The following ZSWIM1 variants were observed in gnomAD, a reference collection of about 807,000 sequenced individuals.
The protein encoded by ZSWIM1 is zinc finger SWIM-type containing 1.
ZSWIM1 carries 22 observed loss-of-function variants against 29.3 expected under a neutral mutation model. The ratio of observed to expected loss-of-function variants is 0.75; its 90% CI spans 0.54 to 1.07. ZSWIM1 has a LOEUF of 1.07. ZSWIM1 is among the 50% of genes least tolerant of loss of function. The pLI, the probability that ZSWIM1 is intolerant of heterozygous loss-of-function variation, is 0.00. For missense variants in ZSWIM1, 511 were observed against 596.2 expected, an observed-to-expected ratio of 0.86 and a Z score of 1.49; for synonymous variants, 228 against 240.8, an observed-to-expected ratio of 0.95 and a Z score of 0.49.
In ZSWIM1 at chr20:45,884,105, T is replaced by TACAC. The variant is rs71181872; in HGVS notation, c.*90_*93dup. The TACAC allele has an allele frequency of 0.024, 26,581 of 1,086,156 alleles. 178 individuals carry two copies. The highest frequency in any genetic ancestry group is 0.059 in the African/African-American group (3,423 of 57,708). 67.3% of individuals were successfully genotyped at this position (1,086,156 alleles called of 1,614,324 possible). ...ACCTGTGCACACTCACATCCACCCA[T>TACAC]ACACACACACACACACACACACACA... is the stretch of plus-strand genomic sequence containing the variant. On this transcript the variant is annotated 3_prime_UTR_variant, in exon 2 of 2. Transcript: ENST00000372523.
chr20:45,884,643 T>C lies in ZSWIM1; in HGVS notation c.*593T>C, dbSNP rs1986423727. On this transcript the variant is annotated 3_prime_UTR_variant, in exon 2 of 2. Transcript: ENST00000372523. ...TCCCAAAGTGCTGGGATTACAGGCG[T>C]GAGCCATCGCACCCGGCCTGTTTTA... 6.0e-6 allele frequency: 1 copy of C among 165,756 alleles called. No individual in the cohort carries two copies. Among genetic ancestry groups the C allele is most frequent in the Non-Finnish European group, 1.5e-5 (1 of 67,898 alleles). 10.3% of individuals were successfully genotyped at this position (165,756 alleles called of 1,614,324 possible).
Position 45,881,975 on chromosome 20 carries a change from G to A in ZSWIM1, c.-60-558G>A, listed in dbSNP as rs138843266. Among the ~76,000 whole-genome samples, 19 of 152,306 alleles carry A rather than the reference G, an allele frequency of 1.2e-4. No homozygotes were observed. In the East Asian group the frequency reaches 3.7e-3, roughly 29 times the overall value. ...CAGGTCTCCTGCCTCAGCCTCCCGA[G>A]TAGCTGAGACTACAGGCATGGGCCA... is the stretch of plus-strand genomic sequence containing the variant. On this transcript the variant is annotated intron_variant, in intron 1 of 1. Coordinates refer to ENST00000372523, the MANE Select transcript of ZSWIM1 (RefSeq NM_080603.5).
At chr20:45,882,445 A>G in intron 1 of ZSWIM1, 88 bp from the exon 2 acceptor site, 1 of 899,772 alleles carries the variant, frequency 1.1e-6, no homozygotes, top group Non-Finnish European at 1.7e-6. Flanking sequence ...GTGCTGACAT[A>G]TAGTAAGTGT....
Position 45,883,156 on chromosome 20 carries a change from GC to G in ZSWIM1, c.567del (p.Val190TrpfsTer6). ...AKFYQLSLERPVERLLLTSLQ... is the reference protein window; with the variant it reads ...AKFYQLSLERXVERLLLTSLQ... ...AGTTCTATCAGCTGTCCCTTGAACG[GC>G]CCGTGGAAAGGCTGCTCCTGACCTC... On this transcript the variant is annotated frameshift_variant, in exon 2 of 2. Coordinates refer to ENST00000372523, the MANE Select transcript of ZSWIM1 (RefSeq NM_080603.5). LOFTEE classifies it high-confidence loss of function. The G allele has an allele frequency of 6.2e-7, 1 of 1,614,034 alleles. No homozygotes were observed. The highest frequency in any genetic ancestry group is 8.5e-7 in the Non-Finnish European group (1 of 1,180,030).
rs1265993510 is a variant in ZSWIM1, at chr20:45,884,348, A to ATT, written c.*305_*306dup. The ATT allele has an allele frequency of 4.0e-5, 8 of 199,440 alleles. No individual in the cohort carries two copies. Among genetic ancestry groups the ATT allele is most frequent in the African/African-American group, 7.2e-5 (2 of 27,824 alleles). The allele number at this position is 199,440 out of a possible 1,614,324, so 12.4% of individuals were successfully genotyped here. ...TGTATATTCTTGGTTTTGTTTTAAT[A>ATT]TTTTTTTTCTTTTTTTTTTTTTTTT... On this transcript the variant is annotated 3_prime_UTR_variant, in exon 2 of 2. Coordinates refer to ENST00000372523, the MANE Select transcript of ZSWIM1 (RefSeq NM_080603.5).
chr20:45,884,262 G>A lies in ZSWIM1; in HGVS notation c.*212G>A. 3.5e-6 allele frequency: 2 copies of A among 566,878 alleles called. No individual in the cohort carries two copies. Among genetic ancestry groups the A allele is most frequent in the South Asian group, 6.0e-5 (2 of 33,354 alleles). The allele number at this position is 566,878 out of a possible 1,614,324, so 35.1% of individuals were successfully genotyped here. ...ACCTAGCATGTGTCTAGCTCAATGAGACAGGAGTCAGCAAATCTTAATCTG... is the reference window on the plus strand; with the variant it reads ...ACCTAGCATGTGTCTAGCTCAATGAAACAGGAGTCAGCAAATCTTAATCTG... On this transcript the variant is annotated 3_prime_UTR_variant, in exon 2 of 2. Transcript: ENST00000372523.
intron 1 of ZSWIM1, among the ~76,000 whole-genome samples, chr20:45,882,294 A>AC (rs1284434680): frequency 5.3e-5 from 8 of 152,218 alleles, no homozygotes; most frequent in Non-Finnish European, 1.2e-4. Flanking sequence ...GCCTTCCATT[A>AC]CCACTTTAAC....
At position 45,884,357 on chromosome 20, in the gene ZSWIM1, CTTTTTTTTTTT is replaced by C. The variant is rs750505217; in HGVS notation, c.*320_*330del. The C allele has an allele frequency of 5.1e-4, 47 of 92,820 alleles. No homozygotes were observed. The East Asian group carries it at 0.013, about 25-fold the overall frequency. 5.7% of individuals were successfully genotyped at this position (92,820 alleles called of 1,614,324 possible). A position where few individuals can be genotyped will look rare whatever the true frequency, so the allele number is the denominator to read the frequency against. On this transcript the variant is annotated 3_prime_UTR_variant, in exon 2 of 2. Coordinates refer to ENST00000372523, the MANE Select transcript of ZSWIM1 (RefSeq NM_080603.5). The stretch of plus-strand genomic sequence containing the variant: ...TTGGTTTTGTTTTAATATTTTTTTT[CTTTTTTTTTTT>C]TTTTTTTTTTTTGAGAAGGAGTCTG...
chr20:45,881,337 A>T (rs983302709), intron 1 of ZSWIM1, 76 bp downstream of exon 1: 1 of 152,230 alleles, frequency 6.6e-6, no homozygotes, highest in Non-Finnish European at 1.5e-5. Context: ...TCCCAAAGGG[A>T]TGGGAGGGAG....
At position 45,883,130 on chromosome 20, in the gene ZSWIM1, A is replaced by C. The variant is rs1986335437; in HGVS notation, c.538A>C (p.Lys180Gln). 2 of 1,614,190 alleles carry C rather than the reference A, an allele frequency of 1.2e-6. No homozygotes were observed. The highest frequency in any genetic ancestry group is 1.6e-4 in the Middle Eastern group (1 of 6,062). ...CCACATTTGTAAGTTCCTCCAGGCCAAGTTCTATCAGCTGTCCCTTGAACG... is the reference window on the plus strand; with the variant it reads ...CCACATTTGTAAGTTCCTCCAGGCCCAGTTCTATCAGCTGTCCCTTGAACG... ...AFHICKFLQA[K>Q]FYQLSLERPV... Residue 180 changes from lysine (K) to glutamine (Q), a missense_variant, in exon 2 of 2, where the codon AAG (lysine) becomes CAG (glutamine). Physicochemically the swap from Lys to Gln is moderately conservative, Grantham distance 53 (BLOSUM62 1). Coordinates refer to ENST00000372523, the MANE Select transcript of ZSWIM1 (RefSeq NM_080603.5).
chr20:45,883,215 G>A lies in ZSWIM1; in HGVS notation c.623G>A (p.Gly208Asp), dbSNP rs1308563322. 4 of 1,613,690 alleles carry A rather than the reference G, an allele frequency of 2.5e-6. No individual in the cohort carries two copies. The highest frequency in any genetic ancestry group is 1.3e-5 in the African/African-American group (1 of 74,924). Residue 208 changes from glycine (G) to aspartate (D), a missense_variant, in exon 2 of 2, where the codon GGC becomes GAC. Coordinates refer to ENST00000372523, the MANE Select transcript of ZSWIM1 (RefSeq NM_080603.5). ...LQSTMCSATA[G>D]NLRKLYTLLS... is the part of the protein sequence containing the mutation. Reference sequence around the variant, plus strand: ...AGCACAATGTGCTCAGCCACAGCAGGCAACCTGAGAAAGTTGTATACACTC... The same window carrying A: ...AGCACAATGTGCTCAGCCACAGCAGACAACCTGAGAAAGTTGTATACACTC...
chr20:45,881,788 C>T lies in ZSWIM1; in HGVS notation c.-61+527C>T, dbSNP rs113836793. Among the ~76,000 whole-genome samples, 770 of 152,272 alleles carry T rather than the reference C, an allele frequency of 5.1e-3. 5 individuals are homozygous for T. The highest frequency in any genetic ancestry group is 0.017 in the African/African-American group (688 of 41,542). ...GCAATTGCAGTTCTCTTATACATAC[C>T]AGGACCAAAGGAAAGAATGGATGCC... On this transcript the variant is annotated intron_variant, in intron 1 of 1. Transcript: ENST00000372523.
rs1219504109 is a variant in ZSWIM1 at position 45,884,713 on chromosome 20, A to C, written c.*663A>C. 1 of 166,930 alleles carries C rather than the reference A, an allele frequency of 6.0e-6. No individual in the cohort carries two copies. Among genetic ancestry groups the C allele is most frequent in the African/African-American group, 2.4e-5 (1 of 41,426 alleles). 10.3% of individuals were successfully genotyped at this position (166,930 alleles called of 1,614,324 possible). On this transcript the variant is annotated 3_prime_UTR_variant, in exon 2 of 2. Coordinates refer to ENST00000372523, the MANE Select transcript of ZSWIM1 (RefSeq NM_080603.5). The stretch of plus-strand genomic sequence containing the variant: ...ACCTTTCTTAGCTCAAAGGTCTTTA[A>C]AAAAGCAGGCAATCCAGCTGGGCAT...
At position 45,881,251 on chromosome 20, in the gene ZSWIM1, C is replaced by G. The variant is rs907459987; in HGVS notation, c.-71C>G. 6.6e-6 allele frequency: 1 copy of G among 152,480 alleles called. No individual in the cohort carries two copies. The highest frequency in any genetic ancestry group is 2.4e-5 in the African/African-American group (1 of 41,438). The allele number at this position is 152,480 out of a possible 1,614,324, so 9.4% of individuals were successfully genotyped here. A position where few individuals can be genotyped will look rare whatever the true frequency, so the allele number is the denominator to read the frequency against. On this transcript the variant is annotated 5_prime_UTR_variant, in exon 1 of 2. Transcript: ENST00000372523. Reference sequence around the variant, plus strand: ...CAAATAGGGAGAAATGGCGACGGAGCCTGGCTGTGGGTGAGTGCTTCCTGA... The same window carrying G: ...CAAATAGGGAGAAATGGCGACGGAGGCTGGCTGTGGGTGAGTGCTTCCTGA...
At position 45,883,779 on chromosome 20, in the gene ZSWIM1, A is replaced by G. The variant is rs750172004; in HGVS notation, c.1187A>G (p.His396Arg). Residue 396 changes from histidine to arginine, a missense_variant, in exon 2 of 2, where the codon CAC becomes CGC. Transcript: ENST00000372523. ...CAGGCCTTCCACCTGCCCTGCCGCC[A>G]CATCCTAGCCATGCTCAGTGCCCGC... ...FNQAFHLPCR[H>R]ILAMLSARRQ... 1 of 1,613,736 alleles carries G rather than the reference A, an allele frequency of 6.2e-7. No homozygotes were observed. Among genetic ancestry groups the G allele is most frequent in the South Asian group, 1.1e-5 (1 of 91,080 alleles).
chr20:45,883,208 A>G lies in ZSWIM1; in HGVS notation c.616A>G (p.Thr206Ala), dbSNP rs1986341465. Residue 206 changes from threonine to alanine, a missense_variant, in exon 2 of 2, where the codon ACA (threonine) becomes GCA (alanine). By Grantham distance (58) the Thr-to-Ala change is moderately conservative (BLOSUM62 0). Transcript: ENST00000372523. ...TSLQSTMCSA[T>A]AGNLRKLYTL... ...CCTGCAGAGCACAATGTGCTCAGCC[A>G]CAGCAGGCAACCTGAGAAAGTTGTA... 7 of 1,613,866 alleles carry G rather than the reference A, an allele frequency of 4.3e-6. No individual in the cohort carries two copies. Among genetic ancestry groups the G allele is most frequent in the Non-Finnish European group, 5.9e-6 (7 of 1,180,046 alleles).
chr20:45,880,987 G>A (rs777873493), upstream of ZSWIM1, among the ~76,000 whole-genome samples: 4 of 152,166 alleles, frequency 2.6e-5, no homozygotes, highest in Non-Finnish European at 4.4e-5. Flanking sequence ...CAGTCGCCTA[G>A]CCTGAAGGGA....
Position 45,882,708 on chromosome 20 carries a change from T to C in ZSWIM1, c.116T>C (p.Leu39Pro). ...GCCCTGACAATGCTGAATGGGCTCC[T>C]GATTAAGGACTCAAGCCCACCTATG... Reference protein sequence around the residue: ...PMALTMLNGLLIKDSSPPMLL... With the variant: ...PMALTMLNGLPIKDSSPPMLL... The change falls in exon 2 of 2, where the codon CTG becomes CCG. Residue 39 changes from leucine (L) to proline (P), a missense_variant. Coordinates refer to ENST00000372523, the MANE Select transcript of ZSWIM1 (RefSeq NM_080603.5). 2.5e-6 allele frequency: 4 copies of C among 1,614,258 alleles called. No individual in the cohort carries two copies. The highest frequency in any genetic ancestry group is 3.4e-6 in the Non-Finnish European group (4 of 1,180,046).
In ZSWIM1 at chr20:45,883,635, T is replaced by C. The variant is rs1238998165; in HGVS notation, c.1043T>C (p.Val348Ala). ...CAACTGTGCCTGGGCGAGCTTGCTG[T>C]GGTCCAGAAATCCACACACCTCATT... ...AAQLCLGELA[V>A]VQKSTHLIGS... Residue 348 changes from valine (V) to alanine (A), a missense_variant, in exon 2 of 2, where the codon GTG becomes GCG. Physicochemically the swap from Val to Ala is moderately conservative, Grantham distance 64. Coordinates refer to ENST00000372523, the MANE Select transcript of ZSWIM1 (RefSeq NM_080603.5). 2 of 1,614,188 alleles carry C rather than the reference T, an allele frequency of 1.2e-6. No homozygotes were observed. The highest frequency in any genetic ancestry group is 1.7e-6 in the Non-Finnish European group (2 of 1,180,024).
Sources: gnomAD v4.1 joint callset for allele counts (sites outside exome capture counted in the v4.1 genomes callset) on GRCh38, gnomAD v4.1.1 for gene constraint, MANE v1.5 for transcripts, NCBI Gene and HGNC (gene_info 2026-07-23, HGNC 2026-07-21) for gene names.